Variants in SOX6 observed in about 807,000 individuals in gnomAD.
SOX6 encodes SRY-box transcription factor 6.
SOX6 carries 11 observed loss-of-function variants against 97.8 expected under a neutral mutation model. The ratio of observed to expected loss-of-function variants is 0.11; its 90% CI spans 0.07 to 0.19. The LOEUF (loss-of-function observed/expected upper bound fraction) is 0.19, where lower values mean the gene tolerates loss of function less well. SOX6 is among the 10% of genes least tolerant of loss of function. SOX6 has a pLI of 1.00. For synonymous variants in SOX6, 360 were observed against 371.4 expected (o/e 0.97, Z 0.35); for missense variants, 810 against 1,039.5 (o/e 0.78, Z 3.04).
At chr11:16,174,595 T>C (rs948739502) in intron 6 of SOX6, among the ~76,000 whole-genome samples, 5 of 151,920 alleles carry the variant, frequency 3.3e-5, no homozygotes, top group African/African-American at 1.2e-4. Flanking sequence ...TCACATAGTA[T>C]ATCAATTTTT....
intron 4 of SOX6, among the ~76,000 whole-genome samples, chr11:16,198,584 G>A (rs1256421897): frequency 6.6e-6 from 1 of 152,066 alleles, no homozygotes; most frequent in African/African-American, 2.4e-5. Context: ...AGCCTCATAA[G>A]GAATATAATA....
intron 1 of SOX6, among the ~76,000 whole-genome samples, chr11:16,433,555 T>C (rs926068250): frequency 1.3e-5 from 2 of 152,108 alleles, no homozygotes; most frequent in Admixed American, 6.6e-5. Flanking sequence ...AGTTATATTT[T>C]GGTTATTAAT....
chr11:16,092,754 C>T (rs1471264100), intron 9 of SOX6, among the ~76,000 whole-genome samples: 1 of 151,556 alleles, frequency 6.6e-6, no homozygotes, highest in Non-Finnish European at 1.5e-5. Flanking sequence ...CAACACTACT[C>T]CCCATTAAAA....
intron 9 of SOX6, among the ~76,000 whole-genome samples, chr11:16,073,180 A>G (rs1848265569): frequency 6.6e-6 from 1 of 152,156 alleles, no homozygotes; most frequent in South Asian, 2.1e-4. Flanking sequence ...AGACCTAACT[A>G]TGAGCTGTCT....
chr11:16,482,841 T>G (rs1255245450), intron 4 of SOX6, among the ~76,000 whole-genome samples: 1 of 152,202 alleles, frequency 6.6e-6, no homozygotes, highest in Non-Finnish European at 1.5e-5. Flanking sequence ...TTTTTACTGT[T>G]TCATCTACAA....
intron 3 of SOX6, chr11:16,317,267 A>G (rs920692393): frequency 4.0e-5 from 6 of 150,990 alleles, no homozygotes; most frequent in African/African-American, 1.5e-4. Context: ...GTTATATATA[A>G]TATAATACAA....
At chr11:16,557,476 A>G (rs565443292) in intron 4 of SOX6, among the ~76,000 whole-genome samples, 1 of 151,936 alleles carries the variant, frequency 6.6e-6, no homozygotes, top group South Asian at 2.1e-4. Context: ...GTCCCAGCTT[A>G]TCAATTTACC....
intron 9 of SOX6, among the ~76,000 whole-genome samples, chr11:16,089,470 G>A (rs1382047827): frequency 6.6e-6 from 1 of 152,048 alleles, no homozygotes; most frequent in Non-Finnish European, 1.5e-5. Context: ...ATTGAGAAAA[G>A]AATCCTTTAT....
intron 4 of SOX6, among the ~76,000 whole-genome samples, chr11:16,500,270 C>T (rs939952467): frequency 6.6e-6 from 1 of 152,126 alleles, no homozygotes. Flanking sequence ...ACTCTTCATG[C>T]TAAAAACTCT....
At position 16,133,733 on chromosome 11, in the gene SOX6, G is replaced by C. The variant is rs530183751; in HGVS notation, c.778-21810C>G. On this transcript the variant is annotated intron_variant, in intron 6 of 15. Coordinates refer to ENST00000683767, the MANE Select transcript of SOX6 (RefSeq NM_001367873.1). Reference sequence around the variant, plus strand: ...AGACGGAGTCTCGCTCTGTTGCCCAGGCTGGAGTGCAATGGTGTGATCTTG... The same window carrying C: ...AGACGGAGTCTCGCTCTGTTGCCCACGCTGGAGTGCAATGGTGTGATCTTG... 9.8e-5 allele frequency among the ~76,000 whole-genome samples: 15 copies of C among 152,298 alleles called. No individual in the cohort carries two copies. In the South Asian group the frequency reaches 3.1e-3, roughly 32 times the overall value.
chr11:16,161,067 G>C (rs970172231), intron 6 of SOX6, among the ~76,000 whole-genome samples: 2 of 151,976 alleles, frequency 1.3e-5, no homozygotes, highest in African/African-American at 4.8e-5. Flanking sequence ...AAAAAAAAGT[G>C]GGGGAGGGTG....
chr11:16,380,492 C>T (rs746789839), intron 1 of SOX6, among the ~76,000 whole-genome samples: 17 of 152,002 alleles, frequency 1.1e-4, no homozygotes, highest in Non-Finnish European at 2.4e-4. Flanking sequence ...ACCATATTTA[C>T]TCTTTTATCT....
intron 1 of SOX6, among the ~76,000 whole-genome samples, chr11:16,430,305 G>A (rs893492707): frequency 4.3e-4 from 66 of 152,228 alleles, no homozygotes; most frequent in Middle Eastern, 3.4e-3. Flanking sequence ...TGTTTAGAAA[G>A]ACAGATATAA....
chr11:16,549,344 T>C (rs1234751540), intron 4 of SOX6, among the ~76,000 whole-genome samples: 1 of 150,266 alleles, frequency 6.7e-6, no homozygotes, highest in Non-Finnish European at 1.5e-5. Context: ...TAATTTTGTA[T>C]TTTTAGTAGA....
chr11:16,304,486 A>T (rs1162343286), intron 3 of SOX6, among the ~76,000 whole-genome samples: 1 of 152,182 alleles, frequency 6.6e-6, no homozygotes, highest in Non-Finnish European at 1.5e-5. Flanking sequence ...CCAGACACCA[A>T]ATCTGTTGGT....
intron 6 of SOX6, among the ~76,000 whole-genome samples, chr11:16,156,134 T>C (rs1443313705): frequency 6.6e-6 from 1 of 151,976 alleles, no homozygotes; most frequent in African/African-American, 2.4e-5. Context: ...TACAAAATGA[T>C]TGGGTTTAAA....
chr11:16,173,234 T>G (rs1234928909), intron 6 of SOX6, among the ~76,000 whole-genome samples: 2 of 151,962 alleles, frequency 1.3e-5, no homozygotes, highest in Non-Finnish European at 2.9e-5. Flanking sequence ...TTAGTTCCAA[T>G]GTGGATTGTT....
intron 9 of SOX6, among the ~76,000 whole-genome samples, chr11:16,085,838 A>G (rs977786629): frequency 6.6e-6 from 1 of 152,206 alleles, no homozygotes; most frequent in Non-Finnish European, 1.5e-5. Flanking sequence ...ACCCATTTCC[A>G]CATCCATTGT....
chr11:16,184,059 T>A (rs1851409567), intron 5 of SOX6, 105 bp from the exon 6 acceptor site: 4 of 986,688 alleles, frequency 4.1e-6, no homozygotes, highest in Non-Finnish European at 6.3e-6. Context: ...CGCACCTCTA[T>A]GTGAAAGAGT....
Sources: gnomAD v4.1 joint callset for allele counts (sites outside exome capture counted in the v4.1 genomes callset) on GRCh38, gnomAD v4.1.1 for gene constraint, MANE v1.5 for transcripts, NCBI Gene and HGNC (gene_info 2026-07-23, HGNC 2026-07-21) for gene names.